The following MCM9 variants were observed in gnomAD, a reference collection of about 807,000 sequenced individuals.
MCM9 encodes the protein DNA helicase MCM9.
A neutral mutation model predicts 72.8 loss-of-function variants in MCM9; 55 were observed. That is an observed-to-expected ratio of 0.76 (90% CI 0.61 to 0.95). The LOEUF (loss-of-function observed/expected upper bound fraction) is 0.95, where lower values mean the gene tolerates loss of function less well. Among genes scored for constraint, MCM9 ranks in the 40% least tolerant of loss-of-function variants. The pLI is 0.00. For synonymous variants in MCM9, 480 were observed against 503.4 expected, an observed-to-expected ratio of 0.95 and a Z score of 0.62; for missense variants, 1,279 against 1,377.0, an observed-to-expected ratio of 0.93 and a Z score of 1.13.
chr6:118,842,665 A>C (rs1244991010), intron 9 of MCM9, among the ~76,000 whole-genome samples: 2 of 152,146 alleles, frequency 1.3e-5, no homozygotes, highest in Non-Finnish European at 2.9e-5. Context: ...GACCACAGGC[A>C]TGCATCACCA....
chr6:118,900,714 C>A (rs1779749210), intron 8 of MCM9: 1 of 1,276,694 alleles, frequency 7.8e-7, no homozygotes, highest in Non-Finnish European at 1.1e-6. Context: ...TTGATGTCAT[C>A]TGGTAATGTA....
At chr6:118,880,201 T>C (rs1307292521) in intron 8 of MCM9, among the ~76,000 whole-genome samples, 1 of 152,168 alleles carries the variant, frequency 6.6e-6, no homozygotes, top group Non-Finnish European at 1.5e-5. Flanking sequence ...ATCGAAATTT[T>C]TATATCCTCT....
chr6:118,827,643 A>G (rs1054199360), intron 11 of MCM9, among the ~76,000 whole-genome samples: 1 of 152,196 alleles, frequency 6.6e-6, no homozygotes, highest in Non-Finnish European at 1.5e-5. Context: ...GAGAAACAAA[A>G]TATCAGAAGT....
chr6:118,924,052 G>C lies in MCM9; in HGVS notation c.380C>G (p.Thr127Ser), dbSNP rs762589053. The C allele has an allele frequency of 3.7e-6, 6 of 1,614,202 alleles. No homozygotes were observed. The highest frequency in any genetic ancestry group is 5.1e-6 in the Non-Finnish European group (6 of 1,180,036). The change falls in exon 4 of 14, where the codon ACT (threonine) becomes AGT (serine). Residue 127 changes from threonine (T) to serine (S), a missense_variant. Coordinates refer to ENST00000619706, the MANE Select transcript of MCM9 (RefSeq NM_017696.3). ...TKDVGHFLSVTGTVIRTSLVK... is the reference protein window; with the variant it reads ...TKDVGHFLSVSGTVIRTSLVK... ...CAGACTTGTTCGAATCACTGTCCCA[G>C]TGACAGATAAAAAGTGTCCCACATC... is the stretch of plus-strand genomic sequence containing the variant.
intron 9 of MCM9, among the ~76,000 whole-genome samples, chr6:118,843,637 A>ATATATATATATATATATAT (rs1382347461): frequency 0.028 from 156 of 5,550 alleles, 3 homozygotes; most frequent in African/African-American, 0.054. Context: ...AAAACAAAAC[A>ATATATATATATATATATAT]AAACATATAT....
intron 8 of MCM9, among the ~76,000 whole-genome samples, chr6:118,885,389 A>C (rs1305311891): frequency 6.6e-6 from 1 of 152,164 alleles, no homozygotes; most frequent in Non-Finnish European, 1.5e-5. Flanking sequence ...ATAAAAATAG[A>C]GAAAATTAAT....
intron 9 of MCM9, among the ~76,000 whole-genome samples, chr6:118,851,866 A>C (rs528712728): frequency 6.6e-6 from 1 of 152,336 alleles, no homozygotes; most frequent in African/African-American, 2.4e-5. Flanking sequence ...TGGTCTAAAA[A>C]AGCAGCTCTT....
At chr6:118,858,537 A>T (rs1277287943) in intron 8 of MCM9, among the ~76,000 whole-genome samples, 1 of 152,172 alleles carries the variant, frequency 6.6e-6, no homozygotes, top group African/African-American at 2.4e-5. Context: ...AAAAGAAATA[A>T]TTAACATACA....
chr6:118,851,895 C>A (rs1776248061), intron 9 of MCM9, among the ~76,000 whole-genome samples: 1 of 152,162 alleles, frequency 6.6e-6, no homozygotes, highest in Non-Finnish European at 1.5e-5. Flanking sequence ...TACATTAAGT[C>A]AAAATACTCA....
At chr6:118,819,157 T>C (rs1773615716) in intron 13 of MCM9, among the ~76,000 whole-genome samples, 1 of 152,218 alleles carries the variant, frequency 6.6e-6, no homozygotes, top group Non-Finnish European at 1.5e-5. Flanking sequence ...CAATACTATG[T>C]TGACTAGGAG....
intron 8 of MCM9, among the ~76,000 whole-genome samples, chr6:118,893,503 G>C (rs1036569129): frequency 2.0e-5 from 3 of 152,096 alleles, no homozygotes; most frequent in African/African-American, 7.2e-5. Context: ...CCAGGTGCAA[G>C]CCCAAAGGTT....
chr6:118,832,831 T>C (rs562191237), intron 9 of MCM9, among the ~76,000 whole-genome samples: 1 of 152,234 alleles, frequency 6.6e-6, no homozygotes, highest in Non-Finnish European at 1.5e-5. Context: ...ACCACCTATA[T>C]GCTGGTACTT....
intron 7 of MCM9, 74 bp from the exon 8 acceptor site, chr6:118,911,843 A>C: frequency 8.7e-7 from 1 of 1,147,358 alleles, no homozygotes; most frequent in South Asian, 1.4e-5. Flanking sequence ...AAAATATTAC[A>C]TAGTGTTTTT....
intron 6 of MCM9, among the ~76,000 whole-genome samples, chr6:118,916,094 T>C (rs1780921600): frequency 1.3e-5 from 2 of 151,912 alleles, no homozygotes; most frequent in South Asian, 4.2e-4. Context: ...CTGGGCACAG[T>C]GTAATCTCAG....
At chr6:118,838,104 C>CTT in intron 9 of MCM9, among the ~76,000 whole-genome samples, 1 of 150,792 alleles carries the variant, frequency 6.6e-6, no homozygotes. Flanking sequence ...GATTTTATTT[C>CTT]TCCTTAGGTT....
intron 11 of MCM9, among the ~76,000 whole-genome samples, 173 bp from the exon 12 acceptor site, chr6:118,827,037 A>C (rs1774212527): frequency 6.6e-6 from 1 of 152,240 alleles, no homozygotes; most frequent in Admixed American, 6.5e-5. Context: ...ATGTTTCTAT[A>C]ATGAGCCTAA....
intron 8 of MCM9, chr6:118,911,440 G>C (rs1019387258): frequency 3.6e-5 from 47 of 1,292,858 alleles, no homozygotes; most frequent in Admixed American, 7.5e-5. Flanking sequence ...GAATAGGATT[G>C]TTCAAAACTA....
At chr6:118,909,879 G>A (rs1240882890) in intron 8 of MCM9, among the ~76,000 whole-genome samples, 1 of 152,210 alleles carries the variant, frequency 6.6e-6, no homozygotes, top group Admixed American at 6.5e-5. Context: ...CACTTGGGGA[G>A]GCTGAGGCGG....
Position 118,906,060 on chromosome 6 carries a change from T to G in MCM9, c.1150+5590A>C, listed in dbSNP as rs116496067. On this transcript the variant is annotated intron_variant, in intron 8 of 13. Transcript: ENST00000619706. ...GGCAGACACCTTGAGCATTTCTGGT[T>G]TAGAAAAATGAAAGTACCTCTTTTT... Among the ~76,000 whole-genome samples, 998 of 152,264 alleles carry G rather than the reference T, an allele frequency of 6.6e-3. 7 individuals carry two copies. Among genetic ancestry groups the G allele is most frequent in the African/African-American group, 0.022 (929 of 41,554 alleles).
Sources: allele counts gnomAD v4.1 joint callset (sites outside exome capture counted in the v4.1 genomes callset), GRCh38; gene constraint gnomAD v4.1.1; transcripts MANE v1.5; gene names NCBI Gene and HGNC (gene_info 2026-07-23, HGNC 2026-07-21).